GRIK2: variants seen among roughly 807,000 people sequenced by gnomAD.
The protein encoded by GRIK2 is glutamate receptor ionotropic, kainate 2.
In GRIK2, 32 loss-of-function variants were observed where a neutral mutation model predicts 100.3. The ratio of observed to expected loss-of-function variants is 0.32; its 90% CI spans 0.24 to 0.43. The LOEUF (loss-of-function observed/expected upper bound fraction) is 0.43. Among genes scored for constraint, GRIK2 ranks in the 20% least tolerant of loss-of-function variants. The probability of loss-of-function intolerance (pLI) is 1.00; values close to 1 mark genes in which losing one functional copy is unlikely to be tolerated. For missense variants in GRIK2, 843 were observed against 1,114.9 expected, an observed-to-expected ratio of 0.76 and a Z score of 3.47; for synonymous variants, 417 against 389.4, an observed-to-expected ratio of 1.07 and a Z score of -0.83.
At chr6:101,672,165 C>T (rs376878224) in intron 4 of GRIK2, among the ~76,000 whole-genome samples, 8 of 152,146 alleles carry the variant, frequency 5.3e-5, no homozygotes, top group Admixed American at 6.5e-5. Context: ...CCACTGATGA[C>T]ACAACAACCA....
At chr6:101,627,059 A>G (rs888204968) in intron 4 of GRIK2, among the ~76,000 whole-genome samples, 3 of 151,758 alleles carry the variant, frequency 2.0e-5, no homozygotes, top group African/African-American at 7.3e-5. Context: ...CAAAAACAAT[A>G]TGGTCTAACA....
intron 2 of GRIK2, among the ~76,000 whole-genome samples, chr6:101,576,896 A>G (rs1777815436): frequency 6.6e-6 from 1 of 152,054 alleles, no homozygotes; most frequent in Non-Finnish European, 1.5e-5. Context: ...AGGAAAAAAA[A>G]AATGTCCTTG....
chr6:101,931,971 A>C (rs950265950), intron 14 of GRIK2, among the ~76,000 whole-genome samples: 1 of 152,084 alleles, frequency 6.6e-6, no homozygotes, highest in African/African-American at 2.4e-5. Flanking sequence ...GTTACCAAGC[A>C]ACAGGAACAT....
At chr6:101,503,042 C>T (rs1332326049) in intron 2 of GRIK2, among the ~76,000 whole-genome samples, 2 of 152,000 alleles carry the variant, frequency 1.3e-5, no homozygotes, top group South Asian at 2.1e-4. Flanking sequence ...TGATGAGAAG[C>T]AAGGAGTTAA....
intron 14 of GRIK2, among the ~76,000 whole-genome samples, chr6:102,003,618 A>G (rs1795058865): frequency 6.6e-6 from 1 of 151,842 alleles, no homozygotes; most frequent in Admixed American, 6.6e-5. Context: ...TATTAACAAA[A>G]GCTGTCCTTG....
chr6:101,837,663 C>A (rs1783220983), intron 10 of GRIK2, among the ~76,000 whole-genome samples: 1 of 152,102 alleles, frequency 6.6e-6, no homozygotes, highest in Admixed American at 6.5e-5. Context: ...GAATCTAGAG[C>A]CACTTCAATT....
chr6:101,697,712 T>A (rs1772596841), intron 7 of GRIK2, among the ~76,000 whole-genome samples: 1 of 152,042 alleles, frequency 6.6e-6, no homozygotes, highest in South Asian at 2.1e-4. Context: ...TTTTGTAATC[T>A]AAATCACCTA....
chr6:101,905,462 T>A (rs1307070803), intron 12 of GRIK2, among the ~76,000 whole-genome samples: 1 of 151,642 alleles, frequency 6.6e-6, no homozygotes, highest in Non-Finnish European at 1.5e-5. Context: ...TTCTCAAATT[T>A]GACCAAGTGT....
At chr6:101,663,744 G>C (rs1769807882) in intron 4 of GRIK2, among the ~76,000 whole-genome samples, 2 of 152,190 alleles carry the variant, frequency 1.3e-5, no homozygotes. Flanking sequence ...ACATTGCTGT[G>C]ATGCATTTCT....
rs576421799 is a variant in GRIK2 at position 101,522,660 on chromosome 6, G to T, written c.116-99289G>T. On this transcript the variant is annotated intron_variant, in intron 2 of 16. Transcript: ENST00000369134. ...GCATTAGTCATGTCCACTAAACCTT[G>T]CATAAATGAAACATTTTCTTGTCTT... is the stretch of plus-strand genomic sequence containing the variant. Among the ~76,000 whole-genome samples, 113 of 152,160 alleles carry T rather than the reference G, an allele frequency of 7.4e-4. 1 individual carries two copies. The highest frequency in any genetic ancestry group is 1.5e-3 in the Non-Finnish European group (99 of 67,968).
At chr6:101,453,732 G>A (rs115839136) in intron 2 of GRIK2, among the ~76,000 whole-genome samples, 112 of 152,066 alleles carry the variant, frequency 7.4e-4, no homozygotes, top group African/African-American at 2.3e-3. Context: ...AGGATGTAAC[G>A]TTATGAAGTA....
intron 2 of GRIK2, among the ~76,000 whole-genome samples, chr6:101,440,821 G>T (rs991923003): frequency 1.3e-5 from 2 of 151,790 alleles, no homozygotes; most frequent in Non-Finnish European, 2.9e-5. Context: ...TCCTAAATAC[G>T]CAAGGGCCTT....
At chr6:101,402,468 G>A (rs1330918633) in intron 2 of GRIK2, among the ~76,000 whole-genome samples, 1 of 152,128 alleles carries the variant, frequency 6.6e-6, no homozygotes, top group South Asian at 2.1e-4. Context: ...CTCTGCAGCC[G>A]CTCAGCAAAC....
chr6:101,664,113 C>G (rs1424948555), intron 4 of GRIK2, among the ~76,000 whole-genome samples: 1 of 152,110 alleles, frequency 6.6e-6, no homozygotes, highest in Non-Finnish European at 1.5e-5. Context: ...TTATGGGAGA[C>G]AATGAGTTAC....
chr6:101,863,640 G>A (rs1784872197), intron 11 of GRIK2, among the ~76,000 whole-genome samples: 1 of 152,130 alleles, frequency 6.6e-6, no homozygotes, highest in African/African-American at 2.4e-5. Context: ...CTGTCATAAT[G>A]CTGATAAAAT....
chr6:101,827,015 G>A (rs1287557515), intron 10 of GRIK2, among the ~76,000 whole-genome samples: 1 of 151,760 alleles, frequency 6.6e-6, no homozygotes, highest in Non-Finnish European at 1.5e-5. Context: ...TACTTTTCAG[G>A]GAGAAAGAAG....
intron 7 of GRIK2, among the ~76,000 whole-genome samples, chr6:101,756,682 A>C (rs2128387560): frequency 6.6e-6 from 1 of 152,266 alleles, no homozygotes; most frequent in Admixed American, 6.5e-5. Flanking sequence ...CTCTGAAAAT[A>C]ATTTCTTTAA....
chr6:101,805,691 A>T (rs9498714), intron 9 of GRIK2, among the ~76,000 whole-genome samples: 9,869 of 152,072 alleles, frequency 0.065, 345 homozygotes, highest in African/African-American at 0.09. Flanking sequence ...AAATAGACTC[A>T]TTAGACTTAT....
intron 7 of GRIK2, among the ~76,000 whole-genome samples, chr6:101,751,138 T>TACAAAAA (rs1776762132): frequency 2.0e-5 from 3 of 152,128 alleles, no homozygotes; most frequent in Admixed American, 6.5e-5. Flanking sequence ...GGGGTCCCAC[T>TACAAAAA]ATGTTATCCA....
Sources: allele counts gnomAD v4.1 joint callset (sites outside exome capture counted in the v4.1 genomes callset), GRCh38; gene constraint gnomAD v4.1.1; transcripts MANE v1.5; gene names NCBI Gene and HGNC (gene_info 2026-07-23, HGNC 2026-07-21).